PTP4A2: variants seen among roughly 807,000 people sequenced by gnomAD.
PTP4A2 encodes the protein protein tyrosine phosphatase type IVA 2.
A neutral mutation model predicts 22.9 loss-of-function variants in PTP4A2; 2 were observed. That is an observed-to-expected ratio of 0.09 (90% CI 0.04 to 0.27). The LOEUF (loss-of-function observed/expected upper bound fraction) is 0.27. PTP4A2 is among the 10% of genes least tolerant of loss of function. The probability of loss-of-function intolerance (pLI) is 1.00; values close to 1 mark genes in which losing one functional copy is unlikely to be tolerated. For missense variants in PTP4A2, 103 were observed against 205.1 expected (o/e 0.50, Z 3.04); for synonymous variants, 68 against 69.1 (o/e 0.98, Z 0.08).
Position 31,918,959 on chromosome 1 carries a change from C to A in PTP4A2, c.96+11G>T. ...AATCAATCCAAAAAGTAGACCATGC[C>A]ACAATCTTACCTCTGTGAACTTGTT... On this transcript the variant is annotated intron_variant, in intron 2 of 5. Transcript: ENST00000647444. 1 of 1,475,686 alleles carries A rather than the reference C, an allele frequency of 6.8e-7. No homozygotes were observed. Among genetic ancestry groups the A allele is most frequent in the South Asian group, 1.2e-5 (1 of 86,886 alleles). 91.4% of individuals were successfully genotyped at this position (1,475,686 alleles called of 1,614,324 possible).
intron 1 of PTP4A2, among the ~76,000 whole-genome samples, chr1:31,925,487 G>A (rs1297099316): frequency 1.3e-5 from 2 of 152,190 alleles, no homozygotes; most frequent in African/African-American, 4.8e-5. Context: ...GGGCGCCGTG[G>A]CTCACGCCTA....
At chr1:31,924,395 C>A (rs1238554268) in intron 1 of PTP4A2, among the ~76,000 whole-genome samples, 2 of 152,210 alleles carry the variant, frequency 1.3e-5, no homozygotes, top group African/African-American at 4.8e-5. Flanking sequence ...TTCAACTACA[C>A]ATCAACAGTT....
intron 2 of PTP4A2, among the ~76,000 whole-genome samples, chr1:31,917,947 CAAAAAAAA>C (rs56791050): frequency 1.2e-5 from 1 of 81,410 alleles, no homozygotes; most frequent in African/African-American, 4.7e-5. Flanking sequence ...CACTCCGTCT[CAAAAAAAA>C]AAAAAAAAAA....
chr1:31,909,450 C>T (rs1455299687), intron 5 of PTP4A2, among the ~76,000 whole-genome samples: 1 of 151,944 alleles, frequency 6.6e-6, no homozygotes, highest in African/African-American at 2.4e-5. Context: ...CCGAGGTGGG[C>T]GGATCACGAG....
Position 31,906,875 on chromosome 1 carries a change from A to C in PTP4A2, c.*1977T>G, listed in dbSNP as rs1489434741. On this transcript the variant is annotated 3_prime_UTR_variant, in exon 6 of 6. Coordinates refer to ENST00000647444, the MANE Select transcript of PTP4A2 (RefSeq NM_080391.4). ...ATCAAAACCCAGTGGAATCAACACC[A>C]TCTATCTTAGCTTAGCAGGTATGCT... is the stretch of plus-strand genomic sequence containing the variant. The C allele has an allele frequency of 6.6e-6, 1 of 152,182 alleles. No homozygotes were observed. Among genetic ancestry groups the C allele is most frequent in the African/African-American group, 2.4e-5 (1 of 41,438 alleles). The allele number at this position is 152,182 out of a possible 1,614,324, so 9.4% of individuals were successfully genotyped here. A position where few individuals can be genotyped will look rare whatever the true frequency, so the allele number is the denominator to read the frequency against.
At chr1:31,935,800 C>T (rs1652909535) in intron 1 of PTP4A2, 1 of 152,162 alleles carries the variant, frequency 6.6e-6, no homozygotes, top group South Asian at 2.1e-4. Flanking sequence ...CCTTCCCTCA[C>T]TGAATAGTAA....
At chr1:31,916,701 T>C (rs1462567411) in intron 2 of PTP4A2, among the ~76,000 whole-genome samples, 1 of 152,124 alleles carries the variant, frequency 6.6e-6, no homozygotes, top group Non-Finnish European at 1.5e-5. Flanking sequence ...AAGGGAATGA[T>C]TAAAGAAGTA....
At chr1:31,915,690 C>A in intron 3 of PTP4A2, 1 of 387,524 alleles carries the variant, frequency 2.6e-6, no homozygotes. Context: ...CAGGTGTGCA[C>A]CAACATGCCC....
rs1172162967 is a variant in PTP4A2, at chr1:31,906,728, C to T, written c.*2124G>A. 1.4e-5 allele frequency: 2 copies of T among 147,436 alleles called. No individual in the cohort carries two copies. Among genetic ancestry groups the T allele is most frequent in the Non-Finnish European group, 3.0e-5 (2 of 67,454 alleles). 9.1% of individuals were successfully genotyped at this position (147,436 alleles called of 1,614,324 possible). A position where few individuals can be genotyped will look rare whatever the true frequency, so the allele number is the denominator to read the frequency against. ...AGGCAGGCACTGATACTGATGGACA[C>T]TGCGCGTGCACACACACACACACAC... is the stretch of plus-strand genomic sequence containing the variant. On this transcript the variant is annotated 3_prime_UTR_variant, in exon 6 of 6. Coordinates refer to ENST00000647444, the MANE Select transcript of PTP4A2 (RefSeq NM_080391.4).
At chr1:31,910,463 A>G (rs1569574603) in intron 4 of PTP4A2, 1 of 179,138 alleles carries the variant, frequency 5.6e-6, no homozygotes, top group East Asian at 1.4e-4. Context: ...CTAATTTTTG[A>G]TTTTTAATAG....
intron 3 of PTP4A2, chr1:31,915,535 AT>A (rs33976935): frequency 0.46 from 49,083 of 107,056 alleles, 9,379 homozygotes; most frequent in East Asian, 0.7. Flanking sequence ...CAAGTTTTTA[AT>A]TTTTTTTTTT....
intron 4 of PTP4A2, chr1:31,910,497 T>A (rs977242632): frequency 6.3e-6 from 1 of 159,908 alleles, no homozygotes; most frequent in African/African-American, 2.4e-5. Flanking sequence ...GGTTTCTCCG[T>A]GTTACCCAGT....
At chr1:31,922,605 TC>T (rs1467463350) in intron 1 of PTP4A2, among the ~76,000 whole-genome samples, 4 of 132,674 alleles carry the variant, frequency 3.0e-5, no homozygotes, top group African/African-American at 3.9e-5. Flanking sequence ...TTTCTTTCTT[TC>T]TTTCTTTCTT....
intron 1 of PTP4A2, among the ~76,000 whole-genome samples, chr1:31,937,099 T>A (rs754569507): frequency 1.3e-5 from 2 of 152,034 alleles, no homozygotes; most frequent in Middle Eastern, 3.4e-3. Context: ...CAGGCCAGAG[T>A]GTAGGATTTT....
At chr1:31,917,779 TC>T (rs2124182503) in intron 2 of PTP4A2, among the ~76,000 whole-genome samples, 1 of 151,498 alleles carries the variant, frequency 6.6e-6, no homozygotes, top group Non-Finnish European at 1.5e-5. Context: ...ATCAAGACCA[TC>T]CTGGCCAACA....
intron 1 of PTP4A2, among the ~76,000 whole-genome samples, chr1:31,931,342 G>A (rs1355875634): frequency 6.6e-6 from 1 of 152,214 alleles, no homozygotes; most frequent in African/African-American, 2.4e-5. Flanking sequence ...AAGGTGCTTA[G>A]TCTTTGGTTA....
At chr1:31,920,903 C>T (rs72664991) in intron 1 of PTP4A2, among the ~76,000 whole-genome samples, 6,199 of 152,180 alleles carry the variant, frequency 0.041, 179 homozygotes, top group Middle Eastern at 0.099. Flanking sequence ...AGGTCCTTCA[C>T]ATATACTCTT....
intron 1 of PTP4A2, among the ~76,000 whole-genome samples, chr1:31,928,846 G>C (rs1293954388): frequency 6.6e-6 from 1 of 152,102 alleles, no homozygotes; most frequent in African/African-American, 2.4e-5. Context: ...GACCTTGATG[G>C]TGGGAAAATG....
rs921809956 is a variant in PTP4A2 at position 31,919,529 on chromosome 1, G to A, written c.-464C>T. On this transcript the variant is annotated 5_prime_UTR_variant, in exon 2 of 6. Transcript: ENST00000647444. ...GTCTCGGTGTCCAGGAGTCTTCAAG[G>A]CAATGTTAATTATGGCACATAGAAC... 2 of 151,580 alleles carry A rather than the reference G, an allele frequency of 1.3e-5. No homozygotes were observed. Among genetic ancestry groups the A allele is most frequent in the African/African-American group, 4.9e-5 (2 of 40,986 alleles). 9.4% of individuals were successfully genotyped at this position (151,580 alleles called of 1,614,324 possible).
Sources: allele counts gnomAD v4.1 joint callset (sites outside exome capture counted in the v4.1 genomes callset), GRCh38; gene constraint gnomAD v4.1.1; transcripts MANE v1.5; gene names NCBI Gene and HGNC (gene_info 2026-07-23, HGNC 2026-07-21).